Variants in FAF2 observed in about 807,000 individuals in gnomAD.
The protein encoded by FAF2 is FAS-associated factor 2.
In FAF2, 9 loss-of-function variants were observed where a neutral mutation model predicts 62.3. The ratio of observed to expected loss-of-function variants is 0.14; its 90% confidence interval spans 0.09 to 0.25. FAF2 has a LOEUF of 0.25. Ranked by LOEUF, FAF2 falls within the 10% of genes least tolerant of loss-of-function variation. FAF2 has a pLI of 1.00. For missense variants in FAF2, 368 were observed against 556.2 expected (o/e 0.66, Z 3.40); for synonymous variants, 202 against 198.0 (o/e 1.02, Z -0.17).
At chr5:176,475,880 A>G (rs559765795) in intron 1 of FAF2, among the ~76,000 whole-genome samples, 2 of 152,300 alleles carry the variant, frequency 1.3e-5, no homozygotes, top group South Asian at 2.1e-4. Context: ...CTCTTTCCTG[A>G]CTTACTGATT....
At chr5:176,482,950 T>C (rs1758807488) in intron 2 of FAF2, among the ~76,000 whole-genome samples, 1 of 152,086 alleles carries the variant, frequency 6.6e-6, no homozygotes, top group African/African-American at 2.4e-5. Flanking sequence ...CAGGATGGTC[T>C]TGGTCTCTTG....
intron 1 of FAF2, among the ~76,000 whole-genome samples, chr5:176,459,674 A>G (rs1758340444): frequency 6.6e-6 from 1 of 152,178 alleles, no homozygotes; most frequent in Non-Finnish European, 1.5e-5. Flanking sequence ...TGTATCTGCA[A>G]AATGACATAG....
rs1269235630 is a variant in FAF2, at chr5:176,507,897, CCTCTT to C, written c.*950_*954del. 3.9e-5 allele frequency: 6 copies of C among 152,692 alleles called. No homozygotes were observed. Among genetic ancestry groups the C allele is most frequent in the Non-Finnish European group, 7.3e-5 (5 of 68,132 alleles). The allele number at this position is 152,692 out of a possible 1,614,324, so 9.5% of individuals were successfully genotyped here. The stretch of plus-strand genomic sequence containing the variant: ...AACCAAAGGATAGCAGCTCTTCATT[CCTCTT>C]CTGACATGTGCATGCTGCTCCCCCC... On this transcript the variant is annotated 3_prime_UTR_variant, in exon 11 of 11. Transcript: ENST00000261942.
At chr5:176,459,409 C>T (rs1485996839) in intron 1 of FAF2, among the ~76,000 whole-genome samples, 1 of 151,976 alleles carries the variant, frequency 6.6e-6, no homozygotes, top group East Asian at 1.9e-4. Context: ...CAGGCCCACG[C>T]CACCACACCC....
At chr5:176,488,126 A>T (rs571786499) in intron 3 of FAF2, among the ~76,000 whole-genome samples, 2 of 152,172 alleles carry the variant, frequency 1.3e-5, no homozygotes, top group South Asian at 4.1e-4. Context: ...TACAAGTGTG[A>T]GCCACCACAC....
intron 3 of FAF2, among the ~76,000 whole-genome samples, chr5:176,487,062 G>T (rs1311510897): frequency 6.6e-6 from 1 of 152,120 alleles, no homozygotes; most frequent in African/African-American, 2.4e-5. Flanking sequence ...TACCCCTGGG[G>T]TTATACTCAC....
Position 176,508,837 on chromosome 5 carries a change from A to C in FAF2, c.*1887A>C, listed in dbSNP as rs1755730665. Reference sequence around the variant, plus strand: ...GACAACCATGCAGAGGAATTTTTCCACTTAAGTCAGAGCCTTCCTCCCCAT... The same window carrying C: ...GACAACCATGCAGAGGAATTTTTCCCCTTAAGTCAGAGCCTTCCTCCCCAT... On this transcript the variant is annotated 3_prime_UTR_variant, in exon 11 of 11. Transcript: ENST00000261942. 1 of 152,144 alleles carries C rather than the reference A, an allele frequency of 6.6e-6. No individual in the cohort carries two copies. The allele number at this position is 152,144 out of a possible 1,614,324, so 9.4% of individuals were successfully genotyped here.
chr5:176,498,843 T>A, intron 8 of FAF2, 71 bp from the exon 9 acceptor site: 1 of 1,388,058 alleles, frequency 7.2e-7, no homozygotes, highest in South Asian at 1.7e-5. Flanking sequence ...ACACAGAAGA[T>A]TTCAATATAA....
intron 10 of FAF2, among the ~76,000 whole-genome samples, chr5:176,502,754 T>C (rs1755616248): frequency 6.7e-6 from 1 of 150,268 alleles, no homozygotes; most frequent in Admixed American, 6.6e-5. Flanking sequence ...AGCTGTTTTT[T>C]AAAAAAGAGT....
At chr5:176,461,855 T>C (rs957860066) in intron 1 of FAF2, among the ~76,000 whole-genome samples, 3 of 152,212 alleles carry the variant, frequency 2.0e-5, no homozygotes, top group Non-Finnish European at 2.9e-5. Context: ...TTTGGGGACT[T>C]AGTCATAAAT....
chr5:176,474,681 C>A (rs767013195), intron 1 of FAF2, among the ~76,000 whole-genome samples: 1 of 152,204 alleles, frequency 6.6e-6, no homozygotes, highest in African/African-American at 2.4e-5. Flanking sequence ...CCATGACTGG[C>A]CCCTTATCTT....
At chr5:176,500,601 T>TA (rs1491257088) in intron 10 of FAF2, among the ~76,000 whole-genome samples, 4 of 152,182 alleles carry the variant, frequency 2.6e-5, no homozygotes, top group Non-Finnish European at 5.9e-5. Context: ...GATGCAGTTG[T>TA]CTCTCTCTTT....
At chr5:176,478,989 A>G (rs1758746050) in intron 1 of FAF2, among the ~76,000 whole-genome samples, 199 bp from the exon 2 acceptor site, 1 of 152,200 alleles carries the variant, frequency 6.6e-6, no homozygotes, top group African/African-American at 2.4e-5. Flanking sequence ...TTTAAAAGGA[A>G]TTATCATTTT....
intron 1 of FAF2, among the ~76,000 whole-genome samples, chr5:176,467,360 C>A (rs764645627): frequency 1.3e-5 from 2 of 151,072 alleles, no homozygotes; most frequent in African/African-American, 4.9e-5. Context: ...GAGTCAGTGT[C>A]GCCCTTTTTG....
chr5:176,467,547 G>T (rs545686354), intron 1 of FAF2, among the ~76,000 whole-genome samples: 1 of 152,258 alleles, frequency 6.6e-6, no homozygotes, highest in South Asian at 2.1e-4. Flanking sequence ...GGCCAGGCTG[G>T]TCTCAAATTC....
chr5:176,491,741 G>A (rs1758973927), intron 4 of FAF2, among the ~76,000 whole-genome samples: 1 of 152,094 alleles, frequency 6.6e-6, no homozygotes, highest in African/African-American at 2.4e-5. Flanking sequence ...AATGTGGCTA[G>A]CATTACTAAG....
chr5:176,488,058 G>T (rs966410165), intron 3 of FAF2, among the ~76,000 whole-genome samples: 1 of 152,156 alleles, frequency 6.6e-6, no homozygotes, highest in African/African-American at 2.4e-5. Flanking sequence ...GGCCAGGCTG[G>T]TCTCAAACTC....
intron 2 of FAF2, among the ~76,000 whole-genome samples, chr5:176,482,863 A>C (rs553672711): frequency 6.6e-6 from 1 of 151,174 alleles, no homozygotes; most frequent in Non-Finnish European, 1.5e-5. Flanking sequence ...TCTGCGAGTT[A>C]TCTTTTTACT....
intron 1 of FAF2, among the ~76,000 whole-genome samples, chr5:176,451,857 C>T (rs60184329): frequency 0.036 from 611 of 17,186 alleles, 30 homozygotes; most frequent in East Asian, 0.064. Context: ...CATATATATA[C>T]ACATATATAT....
Sources: gnomAD v4.1 joint callset for allele counts (sites outside exome capture counted in the v4.1 genomes callset) on GRCh38, gnomAD v4.1.1 for gene constraint, MANE v1.5 for transcripts, NCBI Gene and HGNC (gene_info 2026-07-23, HGNC 2026-07-21) for gene names.